The following GPAM variants were observed in gnomAD, a reference collection of about 807,000 sequenced individuals.
The protein encoded by GPAM is glycerol-3-phosphate acyltransferase, mitochondrial.
GPAM carries 56 observed loss-of-function variants against 105.0 expected under a neutral mutation model. That is an observed-to-expected ratio of 0.53 (90% CI 0.43 to 0.67). The LOEUF (loss-of-function observed/expected upper bound fraction) is 0.67. Ranked by LOEUF, GPAM falls within the 30% of genes least tolerant of loss-of-function variation. The pLI, the probability that GPAM is intolerant of heterozygous loss-of-function variation, is 0.00. For missense variants in GPAM, 855 were observed against 989.8 expected, an observed-to-expected ratio of 0.86 and a Z score of 1.83; for synonymous variants, 368 against 354.4, an observed-to-expected ratio of 1.04 and a Z score of -0.43.
chr10:112,191,537 G>C (rs900922681), intron 1 of GPAM, among the ~76,000 whole-genome samples: 1 of 152,166 alleles, frequency 6.6e-6, no homozygotes, highest in Non-Finnish European at 1.5e-5. Context: ...CTTGTTCTTA[G>C]GGAATAAAAG....
chr10:112,155,784 C>G, intron 20 of GPAM, 80 bp downstream of exon 20: 1 of 872,964 alleles, frequency 1.1e-6, no homozygotes, highest in Non-Finnish European at 1.8e-6. Context: ...TGCATTTTTC[C>G]AATTTTCTAC....
chr10:112,150,043 G>A lies in GPAM; in HGVS notation c.*3507C>T, dbSNP rs1846887304. On this transcript the variant is annotated 3_prime_UTR_variant, in exon 22 of 22. Coordinates refer to ENST00000348367, the MANE Select transcript of GPAM (RefSeq NM_001244949.2). Reference sequence around the variant, plus strand: ...GTCTTAACATTTCTTTGTACAACAGGCAAATAGTTTAATACCTTCCATCAA... The same window carrying A: ...GTCTTAACATTTCTTTGTACAACAGACAAATAGTTTAATACCTTCCATCAA... 1.0e-6 allele frequency: 1 copy of A among 984,634 alleles called. No individual in the cohort carries two copies. The highest frequency in any genetic ancestry group is 1.2e-6 in the Non-Finnish European group (1 of 829,212). The allele number at this position is 984,634 out of a possible 1,614,324, so 61.0% of individuals were successfully genotyped here.
chr10:112,214,339 C>T (rs1416291798), intron 1 of GPAM: 1 of 152,186 alleles, frequency 6.6e-6, no homozygotes, highest in Non-Finnish European at 1.5e-5. Context: ...TTCTTTTCCA[C>T]TCAATACTAA....
chr10:112,172,143 C>T, intron 9 of GPAM, 39 bp downstream of exon 9: 2 of 1,466,088 alleles, frequency 1.4e-6, no homozygotes, highest in Non-Finnish European at 1.9e-6. Context: ...AAAACATAAT[C>T]TTTTTAATTC....
intron 5 of GPAM, among the ~76,000 whole-genome samples, chr10:112,177,740 T>C (rs1427904697): frequency 6.6e-6 from 1 of 151,412 alleles, no homozygotes; most frequent in Non-Finnish European, 1.5e-5. Context: ...TCAATATAAG[T>C]CAAAGAACAT....
chr10:112,187,727 G>T (rs1847611948), upstream of GPAM, among the ~76,000 whole-genome samples: 1 of 152,028 alleles, frequency 6.6e-6, no homozygotes, highest in Non-Finnish European at 1.5e-5. Context: ...GACATTTATA[G>T]AACATGCCAC....
chr10:112,186,228 C>G (rs1847594346), upstream of GPAM, among the ~76,000 whole-genome samples: 1 of 151,930 alleles, frequency 6.6e-6, no homozygotes, highest in East Asian at 1.9e-4. Context: ...GATGGTGGAG[C>G]AGCATCTGAA....
At chr10:112,216,777 C>T (rs1176186288), upstream of GPAM, among the ~76,000 whole-genome samples, 2 of 151,960 alleles carry the variant, frequency 1.3e-5, no homozygotes, top group Admixed American at 1.3e-4. Flanking sequence ...GCACCCACCA[C>T]CATGCCCAGC....
At chr10:112,174,196 T>G (rs1847363813) in intron 6 of GPAM, among the ~76,000 whole-genome samples, 1 of 152,198 alleles carries the variant, frequency 6.6e-6, no homozygotes, top group African/African-American at 2.4e-5. Context: ...GGCATATAAT[T>G]CAGAGGTATC....
the GPAM span, among the ~76,000 whole-genome samples, chr10:112,225,380 T>C: frequency 7.2e-5 from 11 of 151,956 alleles, no homozygotes; most frequent in Admixed American, 7.2e-4. Flanking sequence ...GGGACTGGGG[T>C]TCAAAACTTC....
chr10:112,181,936 T>TA, intron 2 of GPAM, 123 bp from the exon 3 acceptor site: 3 of 643,658 alleles, frequency 4.7e-6, no homozygotes, highest in Non-Finnish European at 8.5e-6. Flanking sequence ...GACAGACTTC[T>TA]ACCATGTTGA....
rs1189122993 is a variant in GPAM, at chr10:112,175,593, C to A, written c.413+7G>T. On this transcript the variant is annotated splice_region_variant and intron_variant, in intron 6 of 21. Transcript: ENST00000348367. ...CTTCCCACCTTTACACCTTGCCCCG[C>A]CCTTACCTACTGCTGTTCAGCACAT... The A allele has an allele frequency of 6.7e-7, 1 of 1,489,312 alleles. No individual in the cohort carries two copies. Among genetic ancestry groups the A allele is most frequent in the Non-Finnish European group, 9.4e-7 (1 of 1,065,860 alleles). 92.3% of individuals were successfully genotyped at this position (1,489,312 alleles called of 1,614,324 possible).
intron 14 of GPAM, among the ~76,000 whole-genome samples, chr10:112,162,876 A>G (rs1847147052): frequency 1.3e-5 from 2 of 152,110 alleles, no homozygotes; most frequent in African/African-American, 4.8e-5. Context: ...CAGGATAGAG[A>G]CATAATCAAA....
At position 112,173,764 on chromosome 10, in the gene GPAM, T is replaced by C. The variant is rs2133255467; in HGVS notation, c.495A>G (p.Lys165=). 6.2e-7 allele frequency: 1 copy of C among 1,613,908 alleles called. No individual in the cohort carries two copies. The highest frequency in any genetic ancestry group is 8.5e-7 in the Non-Finnish European group (1 of 1,179,790). Residue 165 remains lysine, a synonymous_variant, in exon 7 of 22, where the codon AAA becomes AAG. Transcript: ENST00000348367. The stretch of plus-strand genomic sequence containing the variant: ...GAATCCTTTTAGCTTTCTTTTTCAC[T>C]TTGTTAACGGCTTTTGATTGCTGCT... ...SAQQQSKAVN[K]VKKKAKRILQ...
At chr10:112,192,695 C>T (rs1847676151) in intron 1 of GPAM, among the ~76,000 whole-genome samples, 1 of 152,142 alleles carries the variant, frequency 6.6e-6, no homozygotes, top group Non-Finnish European at 1.5e-5. Flanking sequence ...GAACACAGGC[C>T]GACCAGGTCT....
At chr10:112,180,437 C>T (rs775957306) in intron 4 of GPAM, 36 bp downstream of exon 4, 1 of 1,606,622 alleles carries the variant, frequency 6.2e-7, no homozygotes, top group East Asian at 2.2e-5. Context: ...ATATTTTATG[C>T]TGAGTATTAG....
intron 9 of GPAM, among the ~76,000 whole-genome samples, chr10:112,171,029 C>T (rs1847304174): frequency 6.6e-6 from 1 of 152,202 alleles, no homozygotes; most frequent in African/African-American, 2.4e-5. Flanking sequence ...GCTCCACCTG[C>T]ACAACCTGCC....
intron 9 of GPAM, among the ~76,000 whole-genome samples, chr10:112,170,471 A>G (rs1441038348): frequency 1.3e-5 from 2 of 152,242 alleles, no homozygotes; most frequent in African/African-American, 4.8e-5. Context: ...ACAAAAAATT[A>G]TCAGTGTTTA....
At chr10:112,164,490 G>C in intron 13 of GPAM, 35 bp downstream of exon 13, 1 of 1,024,274 alleles carries the variant, frequency 9.8e-7, no homozygotes, top group Non-Finnish European at 1.6e-6. Flanking sequence ...ATGTTTGGTA[G>C]CTTGATTAGC....
Sources: allele counts gnomAD v4.1 joint callset (sites outside exome capture counted in the v4.1 genomes callset), GRCh38; gene constraint gnomAD v4.1.1; transcripts MANE v1.5; gene names NCBI Gene and HGNC (gene_info 2026-07-23, HGNC 2026-07-21).